The following PSPC1 variants were observed in gnomAD, a reference collection of about 807,000 sequenced individuals.
PSPC1 encodes the protein paraspeckle protein 1.
A neutral mutation model predicts 51.6 loss-of-function variants in PSPC1; 14 were observed. The ratio of observed to expected loss-of-function variants is 0.27; its 90% confidence interval spans 0.18 to 0.42. The LOEUF (loss-of-function observed/expected upper bound fraction) is 0.42, where lower values mean the gene tolerates loss of function less well. PSPC1 is among the 10% of genes least tolerant of loss of function. The pLI, the probability that PSPC1 is intolerant of heterozygous loss-of-function variation, is 1.00. For missense variants in PSPC1, 406 were observed against 701.1 expected (o/e 0.58, Z 4.75); for synonymous variants, 193 against 231.9 (o/e 0.83, Z 1.53).
intron 6 of PSPC1, among the ~76,000 whole-genome samples, chr13:19,720,920 A>T (rs900299402): frequency 6.6e-6 from 1 of 152,180 alleles, no homozygotes; most frequent in Non-Finnish European, 1.5e-5. Context: ...AAAGCCTTTG[A>T]AAGTTTATAA....
intron 3 of PSPC1, among the ~76,000 whole-genome samples, chr13:19,753,214 C>A (rs1427446850): frequency 7.0e-6 from 1 of 141,880 alleles, no homozygotes; most frequent in South Asian, 2.3e-4. Flanking sequence ...ACTCGGGAGA[C>A]GGAGGTTACA....
At chr13:19,725,604 TAAACA>T (rs532633919) in intron 6 of PSPC1, among the ~76,000 whole-genome samples, 5 of 151,070 alleles carry the variant, frequency 3.3e-5, no homozygotes, top group African/African-American at 4.9e-5. Flanking sequence ...TAGGGCAAAA[TAAACA>T]AAACAAAACA....
At chr13:19,677,040 C>T (rs752425041) in intron 7 of PSPC1, among the ~76,000 whole-genome samples, 2 of 152,076 alleles carry the variant, frequency 1.3e-5, no homozygotes, top group Non-Finnish European at 2.9e-5. Flanking sequence ...CGAGACCATC[C>T]TGGCTAACAC....
rs1877097856 is a variant in PSPC1 at position 19,680,050 on chromosome 13, T to A, written c.1159-2227A>T. Among the ~76,000 whole-genome samples the A allele has an allele frequency of 2.6e-5, 4 of 152,202 alleles. No individual in the cohort carries two copies. In the South Asian group the frequency reaches 6.2e-4, roughly 24 times the overall value. On this transcript the variant is annotated intron_variant and NMD_transcript_variant, in intron 6 of 7. Transcript: ENST00000471658. The stretch of plus-strand genomic sequence containing the variant: ...TATTTATTGAGGTGGAGTCTCACTC[T>A]GTCACCCAGGCTACAATACAGTGGG...
chr13:19,741,658 T>G lies in PSPC1; in HGVS notation c.968-9A>C. 1 of 1,541,526 alleles carries G rather than the reference T, an allele frequency of 6.5e-7. No homozygotes were observed. The highest frequency in any genetic ancestry group is 8.9e-7 in the Non-Finnish European group (1 of 1,127,314). On this transcript the variant is annotated splice_polypyrimidine_tract_variant and intron_variant, in intron 4 of 8. Coordinates refer to ENST00000338910, the MANE Select transcript of PSPC1 (RefSeq NM_001354909.2). ...TTGACGCCTCATTAGATCTATAAAA[T>G]AATGACTGCACATTAATATTTTTAG...
At position 19,767,927 on chromosome 13, in the gene PSPC1, TA is replaced by T. The variant is rs368180565; in HGVS notation, c.674+4314del. Among the ~76,000 whole-genome samples the T allele has an allele frequency of 1.8e-4, 27 of 152,210 alleles. No homozygotes were observed. In the East Asian group the frequency reaches 4.3e-3, roughly 24 times the overall value. On this transcript the variant is annotated intron_variant, in intron 2 of 8. Coordinates refer to ENST00000338910, the MANE Select transcript of PSPC1 (RefSeq NM_001354909.2). Reference sequence around the variant, plus strand: ...GCTCTTTGAGGGTCACTGTTAAAGTTAAAAAACTTTACAGATGCAATGGCTC... The same window carrying T: ...GCTCTTTGAGGGTCACTGTTAAAGTTAAAAACTTTACAGATGCAATGGCTC...
chr13:19,774,349 CTTTA>C (rs1888894933), intron 1 of PSPC1, among the ~76,000 whole-genome samples: 1 of 152,162 alleles, frequency 6.6e-6, no homozygotes, highest in Non-Finnish European at 1.5e-5. Flanking sequence ...CACAAGAGCT[CTTTA>C]TTCAATCCCT....
chr13:19,748,102 A>G (rs1197898141), intron 4 of PSPC1, among the ~76,000 whole-genome samples: 2 of 152,182 alleles, frequency 1.3e-5, no homozygotes, highest in East Asian at 3.9e-4. Flanking sequence ...AATCCTAGCT[A>G]CTTGGGATGC....
In PSPC1 at chr13:19,745,205, C is replaced by A. The variant is rs1885843006; in HGVS notation, c.968-3556G>T. On this transcript the variant is annotated intron_variant, in intron 4 of 8. Transcript: ENST00000338910. Reference sequence around the variant, plus strand: ...TGGTGGCACACGCCTGTAGTCCCAGCTACTCAAGGAGGATGAGGCAGAAGA... The same window carrying A: ...TGGTGGCACACGCCTGTAGTCCCAGATACTCAAGGAGGATGAGGCAGAAGA... 2.0e-5 allele frequency among the ~76,000 whole-genome samples: 3 copies of A among 152,076 alleles called. No homozygotes were observed. In the South Asian group the frequency reaches 6.2e-4, roughly 32 times the overall value.
intron 4 of PSPC1, among the ~76,000 whole-genome samples, chr13:19,750,931 G>T (rs2138123980): frequency 6.6e-6 from 1 of 152,038 alleles, no homozygotes; most frequent in East Asian, 1.9e-4. Flanking sequence ...CACCACGGCT[G>T]GCTAATTTTG....
At chr13:19,757,084 C>G (rs1340785519) in intron 3 of PSPC1, among the ~76,000 whole-genome samples, 1 of 148,278 alleles carries the variant, frequency 6.7e-6, no homozygotes, top group Non-Finnish European at 1.5e-5. Flanking sequence ...GAGCTGAGAT[C>G]GTGCCACTGC....
At chr13:19,722,568 TG>T (rs1364250951) in intron 6 of PSPC1, among the ~76,000 whole-genome samples, 1 of 152,022 alleles carries the variant, frequency 6.6e-6, no homozygotes. Context: ...CTGAGGTAGG[TG>T]GATCACCTGA....
chr13:19,778,365 CCCCCTCCCCCT>C, intron 1 of PSPC1, among the ~76,000 whole-genome samples: 2 of 3,832 alleles, frequency 5.2e-4, no homozygotes, highest in South Asian at 0.071. Context: ...CTCTCCCTCT[CCCCCTCCCCCT>C]CCCCCTCCCC....
chr13:19,671,411 TG>T, downstream of PSPC1: 1 of 788,120 alleles, frequency 1.3e-6, no homozygotes, highest in Non-Finnish European at 2.1e-6. Context: ...AGGCACTCCC[TG>T]GGGTAGTGAT....
intron 6 of PSPC1, among the ~76,000 whole-genome samples, chr13:19,726,783 G>A (rs1883406055): frequency 6.6e-6 from 1 of 152,182 alleles, no homozygotes; most frequent in Non-Finnish European, 1.5e-5. Context: ...GCTAGCCTCT[G>A]CCAACATTCC....
chr13:19,686,364 C>T (rs1368177261), intron 6 of PSPC1, among the ~76,000 whole-genome samples: 1 of 152,130 alleles, frequency 6.6e-6, no homozygotes, highest in Admixed American at 6.5e-5. Flanking sequence ...TTACAACCAT[C>T]CACAGTTATC....
intron 6 of PSPC1, among the ~76,000 whole-genome samples, chr13:19,711,640 A>T (rs1462168389): frequency 3.9e-3 from 121 of 30,728 alleles, no homozygotes; most frequent in Non-Finnish European, 9.2e-3. Context: ...TCCGTCTCAT[A>T]AAAAAAAAAA....
chr13:19,737,726 C>G (rs1053229855), intron 5 of PSPC1, among the ~76,000 whole-genome samples: 1 of 152,112 alleles, frequency 6.6e-6, no homozygotes, highest in Non-Finnish European at 1.5e-5. Context: ...TATTAAAGAT[C>G]GAGGCACCAG....
At chr13:19,694,707 T>G (rs746488599) in intron 6 of PSPC1, among the ~76,000 whole-genome samples, 3 of 152,202 alleles carry the variant, frequency 2.0e-5, no homozygotes, top group African/African-American at 7.2e-5. Flanking sequence ...CTCATCTCAC[T>G]AGTCCCATTC....
Sources: allele counts gnomAD v4.1 joint callset (sites outside exome capture counted in the v4.1 genomes callset), GRCh38; gene constraint gnomAD v4.1.1; transcripts MANE v1.5; gene names NCBI Gene and HGNC (gene_info 2026-07-23, HGNC 2026-07-21).